GRIK2: variants seen among roughly 807,000 people sequenced by gnomAD.
The protein encoded by GRIK2 is glutamate ionotropic receptor kainate type subunit 2.
In GRIK2, 32 loss-of-function variants were observed where a neutral mutation model predicts 100.3. The observed-to-expected ratio is 0.32, with a 90% confidence interval of 0.24 to 0.43. The LOEUF (loss-of-function observed/expected upper bound fraction) is 0.43, where lower values mean the gene tolerates loss of function less well. Among genes scored for constraint, GRIK2 ranks in the 20% least tolerant of loss-of-function variants. The pLI is 1.00. For missense variants in GRIK2, 843 were observed against 1,114.9 expected (o/e 0.76, Z 3.47); for synonymous variants, 417 against 389.4 (o/e 1.07, Z -0.83).
At chr6:101,788,855 C>T (rs1779621049) in intron 7 of GRIK2, among the ~76,000 whole-genome samples, 1 of 152,146 alleles carries the variant, frequency 6.6e-6, no homozygotes, top group Non-Finnish European at 1.5e-5. Context: ...TATTTCTCCA[C>T]ATCCTCTCCA....
intron 10 of GRIK2, among the ~76,000 whole-genome samples, chr6:101,858,376 A>AC: frequency 8.0e-6 from 1 of 125,474 alleles, no homozygotes; most frequent in East Asian, 2.4e-4. Flanking sequence ...CTCTCTCTCT[A>AC]TTTTTTTTTC....
At chr6:101,699,564 C>G (rs769514902) in intron 7 of GRIK2, among the ~76,000 whole-genome samples, 1 of 152,060 alleles carries the variant, frequency 6.6e-6, no homozygotes, top group Non-Finnish European at 1.5e-5. Flanking sequence ...CTCAGTCCCT[C>G]AAAGGTACCC....
At chr6:101,819,355 G>A (rs890425814) in intron 10 of GRIK2, among the ~76,000 whole-genome samples, 1 of 152,140 alleles carries the variant, frequency 6.6e-6, no homozygotes, top group Non-Finnish European at 1.5e-5. Context: ...AAGCTATGAG[G>A]AATATATATT....
chr6:101,576,639 G>GT (rs955777364), intron 2 of GRIK2, among the ~76,000 whole-genome samples: 49 of 152,008 alleles, frequency 3.2e-4, no homozygotes, highest in African/African-American at 1.1e-3. Context: ...TTTTATATTG[G>GT]TTTTCAAATG....
intron 9 of GRIK2, among the ~76,000 whole-genome samples, chr6:101,811,590 C>T (rs1017979397): frequency 6.6e-6 from 1 of 151,778 alleles, no homozygotes; most frequent in African/African-American, 2.4e-5. Flanking sequence ...TTTGTTCCTA[C>T]TTGAAAAATT....
At chr6:101,801,785 A>C (rs1182904424) in intron 8 of GRIK2, among the ~76,000 whole-genome samples, 3 of 151,890 alleles carry the variant, frequency 2.0e-5, no homozygotes, top group Non-Finnish European at 4.4e-5. Flanking sequence ...TCCTCCATGA[A>C]GTATATCTTG....
chr6:101,692,039 C>CAAA (rs60210939), intron 7 of GRIK2, among the ~76,000 whole-genome samples: 2 of 78,390 alleles, frequency 2.6e-5, no homozygotes, highest in African/African-American at 9.7e-5. Context: ...CACCCCGTCT[C>CAAA]AAAAAAAAAA....
chr6:101,810,097 C>T (rs1374775560), intron 9 of GRIK2, among the ~76,000 whole-genome samples: 1 of 151,200 alleles, frequency 6.6e-6, no homozygotes, highest in Non-Finnish European at 1.5e-5. Context: ...GTATAAATTA[C>T]AATTATGATA....
At chr6:101,532,937 T>C (rs560053284) in intron 2 of GRIK2, among the ~76,000 whole-genome samples, 34 of 151,684 alleles carry the variant, frequency 2.2e-4, no homozygotes, top group African/African-American at 7.7e-4. Flanking sequence ...TATATTTACA[T>C]AGAGGAAAGG....
At chr6:101,841,236 T>C (rs1005985024) in intron 10 of GRIK2, among the ~76,000 whole-genome samples, 7 of 152,202 alleles carry the variant, frequency 4.6e-5, no homozygotes, top group Non-Finnish European at 5.9e-5. Flanking sequence ...GGTATAAATA[T>C]ATAGGCACAC....
intron 2 of GRIK2, among the ~76,000 whole-genome samples, chr6:101,550,045 T>G (rs554386516): frequency 6.6e-6 from 1 of 152,330 alleles, no homozygotes; most frequent in Non-Finnish European, 1.5e-5. Flanking sequence ...ACAAATCATT[T>G]TCTATTAGCT....
chr6:101,699,451 C>T (rs1016175477), intron 7 of GRIK2, among the ~76,000 whole-genome samples: 4 of 152,104 alleles, frequency 2.6e-5, no homozygotes, highest in Admixed American at 2.6e-4. Context: ...CAGTCAAAAG[C>T]TATTTCCAGA....
intron 2 of GRIK2, among the ~76,000 whole-genome samples, chr6:101,570,378 G>A (rs1318448276): frequency 6.6e-6 from 1 of 152,038 alleles, no homozygotes; most frequent in Non-Finnish European, 1.5e-5. Flanking sequence ...TGAGAGCAGT[G>A]TGAAAACTAG....
intron 2 of GRIK2, among the ~76,000 whole-genome samples, chr6:101,599,125 G>T (rs1450912902): frequency 6.6e-6 from 1 of 151,594 alleles, no homozygotes; most frequent in East Asian, 1.9e-4. Flanking sequence ...TTATGTCCAT[G>T]AGCATCCAAT....
At chr6:101,803,361 A>G (rs1780790794) in intron 9 of GRIK2, among the ~76,000 whole-genome samples, 1 of 151,820 alleles carries the variant, frequency 6.6e-6, no homozygotes, top group Non-Finnish European at 1.5e-5. Flanking sequence ...GTAAAATTGC[A>G]TTTTTGATAG....
chr6:101,928,717 A>C, intron 14 of GRIK2, 85 bp downstream of exon 14: 1 of 729,132 alleles, frequency 1.4e-6, no homozygotes, highest in Non-Finnish European at 2.5e-6. Context: ...AGAGTGTAAC[A>C]ACGCCATTAT....
At chr6:101,534,415 T>G (rs1775590409) in intron 2 of GRIK2, among the ~76,000 whole-genome samples, 1 of 151,948 alleles carries the variant, frequency 6.6e-6, no homozygotes. Flanking sequence ...TTTGTTTTCT[T>G]ACCCACAGAA....
intron 7 of GRIK2, among the ~76,000 whole-genome samples, chr6:101,760,560 T>TTATATA (rs1251861646): frequency 4.2e-5 from 4 of 94,604 alleles, no homozygotes; most frequent in African/African-American, 2.1e-4. Flanking sequence ...TTATATATAA[T>TTATATA]TAATTATATT....
intron 4 of GRIK2, among the ~76,000 whole-genome samples, chr6:101,673,134 A>T (rs1274270489): frequency 6.6e-6 from 1 of 152,188 alleles, no homozygotes; most frequent in Admixed American, 6.6e-5. Flanking sequence ...TCTCATTTCC[A>T]GAATCTACAA....
Sources: allele counts gnomAD v4.1 joint callset (sites outside exome capture counted in the v4.1 genomes callset), GRCh38; gene constraint gnomAD v4.1.1; transcripts MANE v1.5; gene names NCBI Gene and HGNC (gene_info 2026-07-23, HGNC 2026-07-21).